ANO4: variants seen among roughly 807,000 people sequenced by gnomAD.
The protein encoded by ANO4 is anoctamin 4.
ANO4 carries 69 observed loss-of-function variants against 141.9 expected under a neutral mutation model. That is an observed-to-expected ratio of 0.49 (90% CI 0.40 to 0.59). The LOEUF (loss-of-function observed/expected upper bound fraction) is 0.59, where lower values mean the gene tolerates loss of function less well. ANO4 is among the 20% of genes least tolerant of loss of function. The pLI, the probability that ANO4 is intolerant of heterozygous loss-of-function variation, is 0.00. For synonymous variants in ANO4, 350 were observed against 394.3 expected (o/e 0.89, Z 1.33); for missense variants, 894 against 1,162.2 (o/e 0.77, Z 3.36).
chr12:100,952,355 A>T (rs1467100295), intron 5 of ANO4, among the ~76,000 whole-genome samples: 1 of 152,234 alleles, frequency 6.6e-6, no homozygotes, highest in Non-Finnish European at 1.5e-5. Context: ...TATGAGGATA[A>T]AATGAGTTAA....
At chr12:100,775,941 C>G (rs1002495146) in intron 3 of ANO4, among the ~76,000 whole-genome samples, 3 of 151,782 alleles carry the variant, frequency 2.0e-5, no homozygotes, top group Non-Finnish European at 2.9e-5. Context: ...ATGTGTACTG[C>G]GGCCACTGAT....
chr12:100,873,221 T>C (rs982107751), intron 1 of ANO4, among the ~76,000 whole-genome samples: 4 of 152,230 alleles, frequency 2.6e-5, no homozygotes, highest in African/African-American at 9.6e-5. Flanking sequence ...AAATTGGTAC[T>C]GGGAGTGGGC....
At chr12:100,999,157 A>C (rs984208885) in intron 8 of ANO4, among the ~76,000 whole-genome samples, 8 of 152,244 alleles carry the variant, frequency 5.3e-5, no homozygotes, top group African/African-American at 1.9e-4. Flanking sequence ...AAAATTTATC[A>C]TCTTACAATT....
chr12:100,811,758 G>A (rs745564815), intron 1 of ANO4, among the ~76,000 whole-genome samples: 2 of 152,032 alleles, frequency 1.3e-5, no homozygotes, highest in Non-Finnish European at 2.9e-5. Context: ...AATTAGGTGG[G>A]TTCATTCTTT....
intron 9 of ANO4, among the ~76,000 whole-genome samples, chr12:101,033,903 AT>A (rs1373436643): frequency 6.6e-6 from 1 of 152,216 alleles, no homozygotes; most frequent in Non-Finnish European, 1.5e-5. Context: ...AACATCACTG[AT>A]TATTAGAGAA....
chr12:100,768,078 GT>G (rs938665510), intron 3 of ANO4, among the ~76,000 whole-genome samples: 35 of 152,256 alleles, frequency 2.3e-4, no homozygotes, highest in African/African-American at 8.2e-4. Context: ...GAAGCCTGGG[GT>G]TGAGGGAGTT....
At chr12:100,974,684 T>G in intron 6 of ANO4, 161 bp from the exon 7 acceptor site, 1 of 781,904 alleles carries the variant, frequency 1.3e-6, no homozygotes, top group Non-Finnish European at 2.3e-6. Context: ...ACGCATGCCC[T>G]GTGTTCCCAC....
intron 3 of ANO4, among the ~76,000 whole-genome samples, chr12:100,742,119 T>C (rs2031894299): frequency 6.6e-6 from 1 of 152,278 alleles, no homozygotes; most frequent in East Asian, 1.9e-4. Flanking sequence ...CAACTGCTTA[T>C]TATTATTCTT....
At chr12:100,865,587 A>C (rs2038714284) in intron 1 of ANO4, among the ~76,000 whole-genome samples, 3 of 152,234 alleles carry the variant, frequency 2.0e-5, no homozygotes, top group Admixed American at 2.0e-4. Flanking sequence ...AGAGAAATGC[A>C]AATCAAAAGC....
Position 100,949,399 on chromosome 12 carries a change from A to G in ANO4, c.456+6864A>G, listed in dbSNP as rs575247350. On this transcript the variant is annotated intron_variant, in intron 5 of 27. Coordinates refer to ENST00000392977, the MANE Select transcript of ANO4 (RefSeq NM_001286615.2). ...ACCATTACAAGCTGTGTGCCCTTGT[A>G]AAAGTTAACTTATCTGCAAAATGAG... Among the ~76,000 whole-genome samples, 29 of 152,358 alleles carry G rather than the reference A, an allele frequency of 1.9e-4. No individual in the cohort carries two copies. In the South Asian group the frequency reaches 5.4e-3, roughly 28 times the overall value.
chr12:100,809,250 G>A (rs1323746746), intron 1 of ANO4, among the ~76,000 whole-genome samples: 4 of 152,134 alleles, frequency 2.6e-5, no homozygotes, highest in Non-Finnish European at 5.9e-5. Context: ...AGCCAGATGT[G>A]GTGGCATGCA....
chr12:100,920,716 A>G (rs1044275898), intron 2 of ANO4, among the ~76,000 whole-genome samples: 3 of 152,184 alleles, frequency 2.0e-5, no homozygotes, highest in African/African-American at 4.8e-5. Context: ...AGTTCTTGAC[A>G]GTGACCGAAA....
chr12:100,820,087 T>TTC (rs765125565), intron 1 of ANO4, among the ~76,000 whole-genome samples: 14 of 152,070 alleles, frequency 9.2e-5, no homozygotes, highest in Non-Finnish European at 1.8e-4. Flanking sequence ...TTTTTTCTGC[T>TTC]TCTCTCTCCC....
At chr12:100,912,406 AAAAG>A (rs2041143539) in intron 2 of ANO4, among the ~76,000 whole-genome samples, 1 of 100,948 alleles carries the variant, frequency 9.9e-6, no homozygotes. Flanking sequence ...AAAAAAAAAA[AAAAG>A]AAAAAAGAAA....
intron 1 of ANO4, among the ~76,000 whole-genome samples, chr12:100,895,839 G>A (rs1184824134): frequency 1.3e-5 from 2 of 151,954 alleles, no homozygotes; most frequent in East Asian, 3.9e-4. Flanking sequence ...TGGGATTATA[G>A]GTGTGAGCCA....
chr12:100,891,851 C>A (rs10083101), intron 1 of ANO4, among the ~76,000 whole-genome samples: 6,898 of 152,088 alleles, frequency 0.045, 527 homozygotes, highest in African/African-American at 0.16. Context: ...AATAGATCCC[C>A]AGAACTTATT....
chr12:101,072,814 C>G (rs1012304892), intron 14 of ANO4, among the ~76,000 whole-genome samples: 2 of 152,086 alleles, frequency 1.3e-5, no homozygotes, highest in African/African-American at 2.4e-5. Context: ...ATTTATGCAG[C>G]CAACAGACAC....
intron 1 of ANO4, among the ~76,000 whole-genome samples, chr12:100,870,111 A>T (rs2038958093): frequency 6.6e-6 from 1 of 152,196 alleles, no homozygotes; most frequent in African/African-American, 2.4e-5. Flanking sequence ...TAGAGGCCTA[A>T]CCCAGTGATG....
At chr12:100,984,152 A>G (rs1030247234) in intron 7 of ANO4, among the ~76,000 whole-genome samples, 1 of 152,072 alleles carries the variant, frequency 6.6e-6, no homozygotes, top group African/African-American at 2.4e-5. Flanking sequence ...GCTGAAGTAC[A>G]ATGGTGCGAT....
Sources: allele counts gnomAD v4.1 joint callset (sites outside exome capture counted in the v4.1 genomes callset), GRCh38; gene constraint gnomAD v4.1.1; transcripts MANE v1.5; gene names NCBI Gene and HGNC (gene_info 2026-07-23, HGNC 2026-07-21).